The following TMF1 variants were observed in gnomAD, a reference collection of about 807,000 sequenced individuals.
TMF1 encodes TATA element modulatory factor 1.
Under a neutral mutation model 126.5 loss-of-function variants are expected in TMF1, and 71 were observed. The observed-to-expected ratio is 0.56, with a 90% confidence interval of 0.46 to 0.68. The LOEUF (loss-of-function observed/expected upper bound fraction) is 0.68. Ranked by LOEUF, TMF1 falls within the 30% of genes least tolerant of loss-of-function variation. The probability of loss-of-function intolerance (pLI) is 0.00; values close to 1 mark genes in which losing one functional copy is unlikely to be tolerated. For synonymous variants in TMF1, 461 were observed against 430.5 expected (o/e 1.07, Z -0.88); for missense variants, 1,259 against 1,253.2 (o/e 1.00, Z -0.07).
chr3:69,031,254 T>C (rs995709534), intron 10 of TMF1, among the ~76,000 whole-genome samples: 2 of 151,854 alleles, frequency 1.3e-5, no homozygotes, highest in South Asian at 2.1e-4. Context: ...GGAGGAAGGG[T>C]TGAGAGAGTG....
In TMF1 at chr3:69,020,112, A is replaced by G. The variant is rs1463095754; in HGVS notation, c.*3065T>C. 1 of 152,160 alleles carries G rather than the reference A, an allele frequency of 6.6e-6. No individual in the cohort carries two copies. Among genetic ancestry groups the G allele is most frequent in the East Asian group, 1.9e-4 (1 of 5,206 alleles). 9.4% of individuals were successfully genotyped at this position (152,160 alleles called of 1,614,324 possible). A position where few individuals can be genotyped will look rare whatever the true frequency, so the allele number is the denominator to read the frequency against. ...AGTTTTCTTTTTTCTTCTATTTTCT[A>G]AATATTATAAATCATATACTTTTAA... On this transcript the variant is annotated 3_prime_UTR_variant, in exon 17 of 17. Transcript: ENST00000398559.
At chr3:69,040,246 T>G (rs1316123863) in intron 5 of TMF1, 1 of 152,520 alleles carries the variant, frequency 6.6e-6, no homozygotes, top group African/African-American at 2.4e-5. Context: ...AACAATCAAA[T>G]GCAATGGGCA....
At chr3:69,029,178 C>T (rs565737645) in intron 11 of TMF1, among the ~76,000 whole-genome samples, 2 of 151,846 alleles carry the variant, frequency 1.3e-5, no homozygotes, top group African/African-American at 2.4e-5. Flanking sequence ...GAATTACAGG[C>T]GTCTGCCACC....
chr3:69,030,018 G>A lies in TMF1; in HGVS notation c.2402-11C>T, dbSNP rs781368738. Reference sequence around the variant, plus strand: ...AGGTCTGGGATTCACCTGATTACAGGACAGAAAAAAAAATCACATACACAT... The same window carrying A: ...AGGTCTGGGATTCACCTGATTACAGAACAGAAAAAAAAATCACATACACAT... On this transcript the variant is annotated splice_polypyrimidine_tract_variant and intron_variant, in intron 10 of 16. Coordinates refer to ENST00000398559, the MANE Select transcript of TMF1 (RefSeq NM_007114.3). The A allele has an allele frequency of 1.1e-5, 17 of 1,590,602 alleles. No homozygotes were observed. In the Admixed American group the frequency reaches 1.9e-4, roughly 17 times the overall value.
rs767053061 is a variant in TMF1 at position 69,022,564 on chromosome 3, G to T, written c.*613C>A. The T allele has an allele frequency of 6.6e-6, 1 of 152,410 alleles. No individual in the cohort carries two copies. Among genetic ancestry groups the T allele is most frequent in the African/African-American group, 2.4e-5 (1 of 41,406 alleles). The allele number at this position is 152,410 out of a possible 1,614,324, so 9.4% of individuals were successfully genotyped here. A position where few individuals can be genotyped will look rare whatever the true frequency, so the allele number is the denominator to read the frequency against. On this transcript the variant is annotated 3_prime_UTR_variant, in exon 17 of 17. Coordinates refer to ENST00000398559, the MANE Select transcript of TMF1 (RefSeq NM_007114.3). ...GAAAGCTGGGTGAAATAAATTTTCAGATCAAAATTTTTTTTAAGTTTAAAT... is the reference window on the plus strand; with the variant it reads ...GAAAGCTGGGTGAAATAAATTTTCATATCAAAATTTTTTTTAAGTTTAAAT...
intron 11 of TMF1, 57 bp from the exon 12 acceptor site, chr3:69,028,352 C>T: frequency 3.5e-6 from 4 of 1,158,600 alleles, no homozygotes; most frequent in Non-Finnish European, 3.8e-6. Context: ...CTAGTATAGA[C>T]TATTAAAAAC....
At chr3:69,039,486 A>C in intron 6 of TMF1, 65 bp downstream of exon 6, 16 of 1,486,286 alleles carry the variant, frequency 1.1e-5, no homozygotes, top group South Asian at 1.3e-5. Flanking sequence ...CTCCATAACC[A>C]TGGCCAACTG....
At chr3:69,046,823 GAAGC>G (rs1410502368) in intron 2 of TMF1, among the ~76,000 whole-genome samples, 1 of 151,960 alleles carries the variant, frequency 6.6e-6, no homozygotes, top group Non-Finnish European at 1.5e-5. Context: ...AAAACAAACT[GAAGC>G]AATATAAGGA....
intron 11 of TMF1, 48 bp downstream of exon 11, chr3:69,029,767 T>G (rs754144981): frequency 1.8e-5 from 28 of 1,529,212 alleles, no homozygotes; most frequent in Non-Finnish European, 2.5e-5. Flanking sequence ...AAAAGTGCTT[T>G]AGGATGTCAC....
intron 2 of TMF1, among the ~76,000 whole-genome samples, chr3:69,046,010 C>T (rs1419448280): frequency 2.0e-5 from 3 of 152,054 alleles, no homozygotes; most frequent in Admixed American, 6.6e-5. Context: ...GAGCCATGAT[C>T]GCACCACTGC....
rs1480002379 is a variant in TMF1, at chr3:69,035,119, TAGG to T, written c.2152-7_2152-5del. ...ATGCAAGCCTAAGGTCCCCCACCTG[TAGG>T]AGGAGAAACAATACATTCACAAACA... On this transcript the variant is annotated splice_polypyrimidine_tract_variant and splice_region_variant and intron_variant, in intron 8 of 16. Coordinates refer to ENST00000398559, the MANE Select transcript of TMF1 (RefSeq NM_007114.3). The T allele has an allele frequency of 2.5e-6, 4 of 1,612,430 alleles. No homozygotes were observed. Among genetic ancestry groups the T allele is most frequent in the Non-Finnish European group, 3.4e-6 (4 of 1,178,664 alleles).
At chr3:69,027,211 G>A (rs1421057959) in intron 13 of TMF1, among the ~76,000 whole-genome samples, 2 of 152,090 alleles carry the variant, frequency 1.3e-5, no homozygotes, top group Non-Finnish European at 2.9e-5. Context: ...GGCCAGGCTG[G>A]TCTTGAACTC....
In TMF1 at chr3:69,048,888, C is replaced by T. The variant is rs565609092; in HGVS notation, c.143-326G>A. 1.9e-3 allele frequency: 386 copies of T among 203,914 alleles called. 1 individual carries two copies. Among genetic ancestry groups the T allele is most frequent in the African/African-American group, 8.3e-3 (357 of 43,198 alleles). The allele number at this position is 203,914 out of a possible 1,614,324, so 12.6% of individuals were successfully genotyped here. ...AAGTAACAGTATATGTTTTATAACC[C>T]ACAGTAAGTCCAAGATACCTATGAT... On this transcript the variant is annotated intron_variant, in intron 1 of 16. Coordinates refer to ENST00000398559, the MANE Select transcript of TMF1 (RefSeq NM_007114.3).
chr3:69,037,511 G>A (rs566199116), intron 8 of TMF1, among the ~76,000 whole-genome samples: 1 of 152,154 alleles, frequency 6.6e-6, no homozygotes, highest in South Asian at 2.1e-4. Context: ...GCATGGTGGT[G>A]GGCACCTGTA....
Position 69,022,946 on chromosome 3 carries a change from CT to C in TMF1, c.*230del. 1 of 368,158 alleles carries C rather than the reference CT, an allele frequency of 2.7e-6. No homozygotes were observed. The highest frequency in any genetic ancestry group is 4.8e-6 in the Non-Finnish European group (1 of 207,432). The allele number at this position is 368,158 out of a possible 1,614,324, so 22.8% of individuals were successfully genotyped here. On this transcript the variant is annotated 3_prime_UTR_variant, in exon 17 of 17. Coordinates refer to ENST00000398559, the MANE Select transcript of TMF1 (RefSeq NM_007114.3). Reference sequence around the variant, plus strand: ...GCTATTCAAGGAAAAAAAATGAATGCTTTAAAAAATAAATCTTTAAAGAATA... The same window carrying C: ...GCTATTCAAGGAAAAAAAATGAATGCTTAAAAAATAAATCTTTAAAGAATA...
intron 1 of TMF1, chr3:69,049,147 A>C (rs1323503714): frequency 6.6e-6 from 1 of 152,572 alleles, no homozygotes; most frequent in East Asian, 1.9e-4. Context: ...ACACTAGAAG[A>C]GTCATTTGAG....
At chr3:69,029,793 A>G in intron 11 of TMF1, 22 bp downstream of exon 11, 1 of 1,573,016 alleles carries the variant, frequency 6.4e-7, no homozygotes, top group Non-Finnish European at 8.6e-7. Context: ...TACCAAAAAT[A>G]TCACTCAGAA....
At position 69,020,223 on chromosome 3, in the gene TMF1, C is replaced by T. The variant is rs1424942716; in HGVS notation, c.*2954G>A. 3 of 152,158 alleles carry T rather than the reference C, an allele frequency of 2.0e-5. No individual in the cohort carries two copies. The East Asian group carries it at 5.8e-4, about 29-fold the overall frequency. The allele number at this position is 152,158 out of a possible 1,614,324, so 9.4% of individuals were successfully genotyped here. ...CTGAACATTCTTTTCACTTACTTCA[C>T]TACAAACTTCATGTTTCCTAGGTCA... On this transcript the variant is annotated 3_prime_UTR_variant, in exon 17 of 17. Transcript: ENST00000398559.
rs2091727096 is a variant in TMF1 at position 69,021,142 on chromosome 3, T to C, written c.*2035A>G. ...CAGACATATCACATTTACATCACTT[T>C]TATTACAGTGCACTGTTATAATTGT... On this transcript the variant is annotated 3_prime_UTR_variant, in exon 17 of 17. Transcript: ENST00000398559. The C allele has an allele frequency of 6.6e-6, 1 of 152,336 alleles. No individual in the cohort carries two copies. The highest frequency in any genetic ancestry group is 1.5e-5 in the Non-Finnish European group (1 of 68,040). The allele number at this position is 152,336 out of a possible 1,614,324, so 9.4% of individuals were successfully genotyped here. A position where few individuals can be genotyped will look rare whatever the true frequency, so the allele number is the denominator to read the frequency against.
Sources: allele counts gnomAD v4.1 joint callset (sites outside exome capture counted in the v4.1 genomes callset), GRCh38; gene constraint gnomAD v4.1.1; transcripts MANE v1.5; gene names NCBI Gene and HGNC (gene_info 2026-07-23, HGNC 2026-07-21).